The following KMT2C variants were observed in gnomAD, a reference collection of about 807,000 sequenced individuals.
KMT2C encodes histone-lysine N-methyltransferase 2C.
Under a neutral mutation model 507.9 loss-of-function variants are expected in KMT2C, and 88 were observed. The ratio of observed to expected loss-of-function variants is 0.17; its 90% confidence interval spans 0.15 to 0.21. KMT2C has a LOEUF of 0.21. Among genes scored for constraint, KMT2C ranks in the 10% least tolerant of loss-of-function variants. The probability of loss-of-function intolerance (pLI) is 1.00; values close to 1 mark genes in which losing one functional copy is unlikely to be tolerated. For missense variants in KMT2C, 4,954 were observed against 5,957.8 expected, an observed-to-expected ratio of 0.83 and a Z score of 5.55; for synonymous variants, 2,049 against 2,080.8, an observed-to-expected ratio of 0.98 and a Z score of 0.42.
At chr7:152,222,788 C>T (rs2094815417) in intron 20 of KMT2C, 106 bp from the exon 21 acceptor site, 1 of 670,682 alleles carries the variant, frequency 1.5e-6, no homozygotes, top group East Asian at 2.7e-5. Context: ...AAGCCCTAAG[C>T]CTCACATGCT....
chr7:152,141,349 G>A (rs1204106148), intron 55 of KMT2C, among the ~76,000 whole-genome samples: 4 of 151,908 alleles, frequency 2.6e-5, no homozygotes, highest in African/African-American at 4.8e-5. Context: ...ATCCCTGCAT[G>A]TATGAAAATC....
chr7:152,258,874 G>A (rs2095708019), intron 9 of KMT2C, among the ~76,000 whole-genome samples: 1 of 152,104 alleles, frequency 6.6e-6, no homozygotes, highest in Non-Finnish European at 1.5e-5. Flanking sequence ...GGAAAAGCAA[G>A]ATATTTGCAT....
chr7:152,417,359 C>A (rs983785342), intron 1 of KMT2C, among the ~76,000 whole-genome samples: 1 of 152,146 alleles, frequency 6.6e-6, no homozygotes, highest in Non-Finnish European at 1.5e-5. Context: ...CTCAGGTGAT[C>A]CATCCACCTC....
At chr7:152,204,374 C>A (rs2094234376) in intron 25 of KMT2C, among the ~76,000 whole-genome samples, 1 of 152,098 alleles carries the variant, frequency 6.6e-6, no homozygotes, top group Admixed American at 6.6e-5. Context: ...GCAGGAGGAT[C>A]GCTTGAGCAC....
At chr7:152,296,062 C>T (rs796645570) in intron 6 of KMT2C, among the ~76,000 whole-genome samples, 22 of 108,124 alleles carry the variant, frequency 2.0e-4, no homozygotes, top group African/African-American at 6.3e-4. Context: ...AACGAGACTC[C>T]GTCTCAAAAA....
intron 1 of KMT2C, among the ~76,000 whole-genome samples, chr7:152,421,407 T>C (rs750102672): frequency 1.3e-5 from 2 of 152,126 alleles, no homozygotes; most frequent in African/African-American, 2.4e-5. Flanking sequence ...CCCAAATTAA[T>C]AGAAATCGTT....
intron 6 of KMT2C, among the ~76,000 whole-genome samples, chr7:152,300,462 G>A (rs2096556284): frequency 6.6e-6 from 1 of 152,174 alleles, no homozygotes; most frequent in Non-Finnish European, 1.5e-5. Context: ...TGTTTCTTGG[G>A]CAGTCACATA....
intron 1 of KMT2C, among the ~76,000 whole-genome samples, chr7:152,414,020 A>G (rs1034193670): frequency 4.6e-5 from 7 of 151,400 alleles, no homozygotes; most frequent in Admixed American, 6.6e-5. Context: ...GACCAGCCTG[A>G]CCAACATGGT....
chr7:152,412,585 T>C (rs1240023719), intron 1 of KMT2C, among the ~76,000 whole-genome samples: 6 of 152,190 alleles, frequency 3.9e-5, no homozygotes, highest in Admixed American at 2.6e-4. Flanking sequence ...AACTTTCTAA[T>C]CCTCTCATGA....
intron 3 of KMT2C, among the ~76,000 whole-genome samples, chr7:152,316,607 A>T (rs1275837355): frequency 6.6e-6 from 1 of 152,124 alleles, no homozygotes; most frequent in Non-Finnish European, 1.5e-5. Context: ...TACAGTATTT[A>T]CCCCATGATC....
chr7:152,254,728 C>T (rs1161342451), intron 9 of KMT2C, among the ~76,000 whole-genome samples: 1 of 152,016 alleles, frequency 6.6e-6, no homozygotes, highest in East Asian at 1.9e-4. Flanking sequence ...CCAATGCAAG[C>T]ATTGAAACAA....
At chr7:152,193,123 T>C (rs1023026528) in intron 31 of KMT2C, among the ~76,000 whole-genome samples, 27 of 152,044 alleles carry the variant, frequency 1.8e-4, no homozygotes, top group African/African-American at 6.5e-4. Flanking sequence ...CTGACGTGAG[T>C]TGTGTTCACA....
At chr7:152,178,348 A>G (rs1169666519) in intron 37 of KMT2C, among the ~76,000 whole-genome samples, 3 of 152,136 alleles carry the variant, frequency 2.0e-5, no homozygotes, top group Non-Finnish European at 4.4e-5. Context: ...TTTCAGGAAG[A>G]GTTTCTTTTA....
Position 152,162,914 on chromosome 7 carries a change from G to C in KMT2C, c.10663C>G (p.Pro3555Ala), listed in dbSNP as rs369166422. The change falls in exon 43 of 59, where the codon CCT (proline) becomes GCT (alanine). Residue 3555 changes from proline to alanine, a missense_variant. Physicochemically the swap from Pro to Ala is conservative, Grantham distance 27 (BLOSUM62 -1). Transcript: ENST00000262189. ...ACTGGAGGTGCTGCTGGTAAAGCAG[G>C]TGTAAAAGAAGGCCTCACTGGGGAC... ...QQSPVRPSFT[P>A]ALPAAPPVAN... 1 of 1,614,210 alleles carries C rather than the reference G, an allele frequency of 6.2e-7. No homozygotes were observed. The highest frequency in any genetic ancestry group is 8.5e-7 in the Non-Finnish European group (1 of 1,180,044).
intron 3 of KMT2C, among the ~76,000 whole-genome samples, chr7:152,327,730 G>A (rs1168344925): frequency 1.3e-5 from 2 of 152,038 alleles, no homozygotes; most frequent in East Asian, 1.9e-4. Flanking sequence ...AGGCCAAGGC[G>A]GGTGGATCAC....
intron 6 of KMT2C, among the ~76,000 whole-genome samples, chr7:152,285,796 C>A (rs1332454520): frequency 2.0e-5 from 3 of 152,182 alleles, no homozygotes; most frequent in Non-Finnish European, 2.9e-5. Context: ...AGCAGCCTAG[C>A]CAACATGGCG....
chr7:152,152,637 C>A (rs2129097293), intron 49 of KMT2C, 68 bp downstream of exon 49: 1 of 1,572,510 alleles, frequency 6.4e-7, no homozygotes, highest in Non-Finnish European at 8.7e-7. Flanking sequence ...TAATCAGTAT[C>A]TCAAAGAGTA....
chr7:152,251,973 T>C lies in KMT2C; in HGVS notation c.1587A>G (p.Pro529=). ...HLGAEMDRLQ[P]GEEVEIAELT... ...GCTCAGCTATCTCCACTTCCTCACC[T>C]GGCTGTAAACGATCCATCTCAGCTC... is the stretch of plus-strand genomic sequence containing the variant. The change falls in exon 11 of 59, where the codon CCA becomes CCG. Residue 529 remains proline (P), a synonymous_variant. Coordinates refer to ENST00000262189, the MANE Select transcript of KMT2C (RefSeq NM_170606.3). 6.2e-7 allele frequency: 1 copy of C among 1,611,912 alleles called. No homozygotes were observed. The highest frequency in any genetic ancestry group is 8.5e-7 in the Non-Finnish European group (1 of 1,178,954).
At chr7:152,346,187 G>A (rs764943772) in intron 2 of KMT2C, among the ~76,000 whole-genome samples, 2 of 152,176 alleles carry the variant, frequency 1.3e-5, no homozygotes, top group Non-Finnish European at 2.9e-5. Context: ...GATCTGGCGT[G>A]CAGAAAATCA....
Sources: allele counts gnomAD v4.1 joint callset (sites outside exome capture counted in the v4.1 genomes callset), GRCh38; gene constraint gnomAD v4.1.1; transcripts MANE v1.5; gene names NCBI Gene and HGNC (gene_info 2026-07-23, HGNC 2026-07-21).